Variants in CZIB observed in about 807,000 individuals in gnomAD.
CZIB encodes the protein UPF0587 protein C1orf123.
Under a neutral mutation model 28.3 loss-of-function variants are expected in CZIB, and 26 were observed. That is an observed-to-expected ratio of 0.92 (90% CI 0.67 to 1.27). CZIB has a LOEUF of 1.27. Among genes scored for constraint, CZIB ranks in the 50% most tolerant of loss-of-function variants. CZIB has a pLI of 0.00. For synonymous variants in CZIB, 78 were observed against 71.1 expected (o/e 1.10, Z -0.49); for missense variants, 179 against 197.3 (o/e 0.91, Z 0.56).
In CZIB at chr1:53,214,472, G is replaced by C; in HGVS notation, c.*187C>G. Reference sequence around the variant, plus strand: ...CTCCTTACTTCACCTTCATGCACCAGTGCAGCGTGAACAGGGGCTTTATTG... The same window carrying C: ...CTCCTTACTTCACCTTCATGCACCACTGCAGCGTGAACAGGGGCTTTATTG... On this transcript the variant is annotated 3_prime_UTR_variant, in exon 8 of 8. Coordinates refer to ENST00000294360, the MANE Select transcript of CZIB (RefSeq NM_017887.3). 1.7e-6 allele frequency: 1 copy of C among 576,738 alleles called. No homozygotes were observed. The highest frequency in any genetic ancestry group is 3.1e-6 in the Non-Finnish European group (1 of 322,666). 35.7% of individuals were successfully genotyped at this position (576,738 alleles called of 1,614,324 possible). A position where few individuals can be genotyped will look rare whatever the true frequency, so the allele number is the denominator to read the frequency against.
chr1:53,216,280 CA>C (rs958827742), intron 6 of CZIB, among the ~76,000 whole-genome samples: 14 of 152,190 alleles, frequency 9.2e-5, no homozygotes, highest in African/African-American at 3.4e-4. Flanking sequence ...CAGAAGGCAG[CA>C]GGGGCAGCGT....
rs2100280982 is a variant in CZIB at position 53,214,288 on chromosome 1, C to T, written c.*371G>A. The T allele has an allele frequency of 4.8e-6, 1 of 208,262 alleles. No homozygotes were observed. The highest frequency in any genetic ancestry group is 2.3e-5 in the African/African-American group (1 of 43,902). The allele number at this position is 208,262 out of a possible 1,614,324, so 12.9% of individuals were successfully genotyped here. A position where few individuals can be genotyped will look rare whatever the true frequency, so the allele number is the denominator to read the frequency against. ...AGTAAGTTCAGGTAACAGTACGTCA[C>T]CATTGGCTTCTGGCTCATTGAGTGA... is the stretch of plus-strand genomic sequence containing the variant. On this transcript the variant is annotated 3_prime_UTR_variant, in exon 8 of 8. Transcript: ENST00000294360.
In CZIB at chr1:53,220,596, G is replaced by A. The variant is rs760243170; in HGVS notation, c.-21C>T. ...CCCATGGTAGCCCTCTCCGCCCGGT[G>A]CTGGCTGCGGCCCTTGCCGTTGCTT... On this transcript the variant is annotated 5_prime_UTR_variant, in exon 1 of 8. Transcript: ENST00000294360. The A allele has an allele frequency of 3.1e-6, 5 of 1,596,306 alleles. No homozygotes were observed. The Admixed American group carries it at 5.0e-5, about 16-fold the overall frequency.
At chr1:53,218,616 A>G in intron 3 of CZIB, 121 bp from the exon 4 acceptor site, 1 of 1,030,252 alleles carries the variant, frequency 9.7e-7, no homozygotes, top group Non-Finnish European at 1.5e-6. Context: ...GTAACTTACT[A>G]GGACAAGACT....
chr1:53,219,293 T>C (rs751336265), intron 2 of CZIB: 20 of 270,056 alleles, frequency 7.4e-5, no homozygotes, highest in Non-Finnish European at 1.3e-4. Context: ...TATAGCACTG[T>C]AGGATGACTA....
chr1:53,217,175 C>G (rs2100286509), intron 5 of CZIB: 1 of 279,184 alleles, frequency 3.6e-6, no homozygotes. Context: ...GAGGAAACCT[C>G]TACAATTTTA....
intron 5 of CZIB, 95 bp from the exon 6 acceptor site, chr1:53,216,954 C>CAT: frequency 1.0e-5 from 11 of 1,070,968 alleles, no homozygotes; most frequent in African/African-American, 1.6e-5. Flanking sequence ...ACTTACTGCC[C>CAT]CTGGAGGCCT....
chr1:53,214,381 A>C lies in CZIB; in HGVS notation c.*278T>G, dbSNP rs1049983412. 3 of 385,032 alleles carry C rather than the reference A, an allele frequency of 7.8e-6. No individual in the cohort carries two copies. The Admixed American group carries it at 1.2e-4, about 15-fold the overall frequency. The allele number at this position is 385,032 out of a possible 1,614,324, so 23.9% of individuals were successfully genotyped here. A position where few individuals can be genotyped will look rare whatever the true frequency, so the allele number is the denominator to read the frequency against. On this transcript the variant is annotated 3_prime_UTR_variant, in exon 8 of 8. Transcript: ENST00000294360. ...GGGGAGATACCATCTCCTTAAAAAT[A>C]CTCTTCATTTTCCTAAGGAGTGAAC...
intron 4 of CZIB, 83 bp from the exon 5 acceptor site, chr1:53,218,286 A>G: frequency 6.3e-7 from 1 of 1,583,466 alleles, no homozygotes; most frequent in Non-Finnish European, 8.7e-7. Flanking sequence ...CCTGAAAAAG[A>G]TCACGCTGTA....
intron 5 of CZIB, 148 bp downstream of exon 5, chr1:53,218,024 T>A (rs1645484512): frequency 3.6e-6 from 3 of 836,528 alleles, no homozygotes; most frequent in Non-Finnish European, 5.7e-6. Flanking sequence ...GTACAGTGGA[T>A]AAATGACTGA....
At chr1:53,220,424 C>T in intron 1 of CZIB, 80 bp from the exon 2 acceptor site, 1 of 1,580,476 alleles carries the variant, frequency 6.3e-7, no homozygotes, top group Non-Finnish European at 8.6e-7. Context: ...CATTCCCAGC[C>T]GTGGGTGCCA....
At chr1:53,220,493 C>G (rs968558111) in intron 1 of CZIB, 77 bp downstream of exon 1, 1 of 1,595,772 alleles carries the variant, frequency 6.3e-7, no homozygotes, top group African/African-American at 1.3e-5. Context: ...GCTTCATCTC[C>G]TCCTGGCGCG....
chr1:53,216,534 C>T (rs186063658), intron 6 of CZIB, among the ~76,000 whole-genome samples: 73 of 152,360 alleles, frequency 4.8e-4, no homozygotes, highest in Middle Eastern at 3.4e-3. Context: ...AAAATCTCTT[C>T]AGTTCCTTCC....
At chr1:53,220,163 C>T (rs936798468) in intron 2 of CZIB, 98 bp downstream of exon 2, 11 of 1,065,792 alleles carry the variant, frequency 1.0e-5, no homozygotes, top group South Asian at 8.9e-5. Context: ...ACTTAATGTG[C>T]CTGGTTAAAT....
rs1365260589 is a variant in CZIB, at chr1:53,214,365, C to T, written c.*294G>A. The T allele has an allele frequency of 3.2e-5, 11 of 340,236 alleles. No individual in the cohort carries two copies. The highest frequency in any genetic ancestry group is 4.9e-5 in the Non-Finnish European group (9 of 183,006). The allele number at this position is 340,236 out of a possible 1,614,324, so 21.1% of individuals were successfully genotyped here. A position where few individuals can be genotyped will look rare whatever the true frequency, so the allele number is the denominator to read the frequency against. On this transcript the variant is annotated 3_prime_UTR_variant, in exon 8 of 8. Transcript: ENST00000294360. ...AAACTTGCCCTTGACTGGGGAGATA[C>T]CATCTCCTTAAAAATACTCTTCATT...
At chr1:53,219,215 G>T (rs187073124) in intron 2 of CZIB, 154 of 401,986 alleles carry the variant, frequency 3.8e-4, no homozygotes, top group Admixed American at 1.6e-3. Context: ...GTGAGGGGGG[G>T]GAATATGGAG....
At chr1:53,219,045 A>T (rs1645493509) in intron 2 of CZIB, 122 bp from the exon 3 acceptor site, 9 of 809,010 alleles carry the variant, frequency 1.1e-5, no homozygotes, top group African/African-American at 6.7e-5. Flanking sequence ...ATCTCACTTC[A>T]TCCCTAACAC....
At chr1:53,216,697 G>C in intron 6 of CZIB, 85 bp downstream of exon 6, 1 of 1,206,124 alleles carries the variant, frequency 8.3e-7, no homozygotes, top group South Asian at 1.2e-5. Context: ...CTAGTCCATG[G>C]TATCTGTAGG....
In CZIB at chr1:53,220,572, C is replaced by A; in HGVS notation, c.4G>T (p.Gly2Trp). ...CGCGGCGGGCGGCCTCCCCTCACCC[C>A]CATGGTAGCCCTCTCCGCCCGGTGC... M[G>W]KIALQLKATL... is the part of the protein sequence containing the mutation. Residue 2 changes from glycine (G) to tryptophan (W), a missense_variant and splice_region_variant, in exon 1 of 8, where the codon GGG becomes TGG. Transcript: ENST00000294360. 1.3e-6 allele frequency: 2 copies of A among 1,598,694 alleles called. No individual in the cohort carries two copies. Among genetic ancestry groups the A allele is most frequent in the African/African-American group, 1.3e-5 (1 of 75,018 alleles).
Sources: allele counts gnomAD v4.1 joint callset (sites outside exome capture counted in the v4.1 genomes callset), GRCh38; gene constraint gnomAD v4.1.1; transcripts MANE v1.5; gene names NCBI Gene and HGNC (gene_info 2026-07-23, HGNC 2026-07-21).